CCS: variants seen among roughly 807,000 people sequenced by gnomAD.
CCS encodes the protein superoxide dismutase copper chaperone.
A neutral mutation model predicts 35.5 loss-of-function variants in CCS; 32 were observed. The observed-to-expected ratio is 0.90, with a 90% CI of 0.68 to 1.21. The LOEUF (loss-of-function observed/expected upper bound fraction) is 1.21, where lower values mean the gene tolerates loss of function less well. Ranked by LOEUF, CCS falls within the 50% of genes most tolerant of loss-of-function variation. The probability of loss-of-function intolerance (pLI) is 0.00; values close to 1 mark genes in which losing one functional copy is unlikely to be tolerated. For synonymous variants in CCS, 130 were observed against 147.2 expected (o/e 0.88, Z 0.84); for missense variants, 342 against 375.4 (o/e 0.91, Z 0.73).
At chr11:66,596,345 G>A (rs1412065012) in intron 2 of CCS, among the ~76,000 whole-genome samples, 4 of 151,420 alleles carry the variant, frequency 2.6e-5, no homozygotes, top group African/African-American at 7.3e-5. Flanking sequence ...GGGATTATGG[G>A]TGTGCGCCAC....
intron 7 of CCS, 41 bp downstream of exon 7, chr11:66,605,633 A>C (rs751736330): frequency 1.2e-6 from 2 of 1,600,610 alleles, no homozygotes; most frequent in South Asian, 2.2e-5. Flanking sequence ...TGCTCTGCGG[A>C]TGGTGCATGA....
Position 66,593,198 on chromosome 11 carries a change from C to A in CCS, c.-64C>A, listed in dbSNP as rs1858409989. 2.0e-6 allele frequency: 3 copies of A among 1,534,182 alleles called. No homozygotes were observed. Among genetic ancestry groups the A allele is most frequent in the South Asian group, 2.4e-5 (2 of 83,646 alleles). On this transcript the variant is annotated 5_prime_UTR_variant, in exon 1 of 8. Transcript: ENST00000533244. Reference sequence around the variant, plus strand: ...CTTTAGAGGCTCAGTCCCCGCGACGCCGCGCTGGTTGGTGCTCCTGCGCCG... The same window carrying A: ...CTTTAGAGGCTCAGTCCCCGCGACGACGCGCTGGTTGGTGCTCCTGCGCCG...
chr11:66,600,381 TTGAATGAATGAA>T (rs549083639), intron 4 of CCS, 96 bp from the exon 5 acceptor site: 3 of 693,584 alleles, frequency 4.3e-6, no homozygotes, highest in Middle Eastern at 2.6e-4. Flanking sequence ...GGCCTGTTTG[TTGAATGAATGAA>T]TGAATGAATG....
Position 66,593,352 on chromosome 11 carries a change from C to T in CCS, c.39+52C>T, listed in dbSNP as rs1555064144. On this transcript the variant is annotated intron_variant, in intron 1 of 7. Transcript: ENST00000533244. ...CTCGCCGGGCAGAGAGCCTCGGCCC[C>T]TGGGATGATCGTTACCTTGGGAAGA... The T allele has an allele frequency of 1.6e-5, 23 of 1,457,234 alleles. No homozygotes were observed. In the South Asian group the frequency reaches 3.0e-4, roughly 19 times the overall value. 90.3% of individuals were successfully genotyped at this position (1,457,234 alleles called of 1,614,324 possible). A position where few individuals can be genotyped will look rare whatever the true frequency, so the allele number is the denominator to read the frequency against.
chr11:66,605,663 C>G, intron 7 of CCS, 39 bp from the exon 8 acceptor site: 5 of 1,578,088 alleles, frequency 3.2e-6, no homozygotes, highest in Non-Finnish European at 4.3e-6. Flanking sequence ...GGGTGGGGGC[C>G]AAACAGGTAC....
intron 2 of CCS, among the ~76,000 whole-genome samples, chr11:66,597,437 G>A (rs1187373929): frequency 2.0e-5 from 3 of 150,496 alleles, no homozygotes; most frequent in East Asian, 1.9e-4. Flanking sequence ...CAGCCTGGGT[G>A]ACAGAGCGAG....
At chr11:66,594,291 G>T (rs568697324) in intron 2 of CCS, among the ~76,000 whole-genome samples, 2 of 152,094 alleles carry the variant, frequency 1.3e-5, no homozygotes, top group African/African-American at 4.8e-5. Context: ...CCCGGGAGGC[G>T]GAGCTTGCAG....
chr11:66,599,398 G>A, intron 3 of CCS, 61 bp from the exon 4 acceptor site: 1 of 1,501,176 alleles, frequency 6.7e-7, no homozygotes. Context: ...CCCTTCCCGA[G>A]CTGCTGAAGA....
intron 2 of CCS, among the ~76,000 whole-genome samples, chr11:66,596,292 C>T (rs910612526): frequency 1.3e-5 from 2 of 151,992 alleles, no homozygotes; most frequent in African/African-American, 2.4e-5. Context: ...GTATCGAACT[C>T]CTGGCCTCAT....
intron 5 of CCS, 147 bp from the exon 6 acceptor site, chr11:66,605,192 A>G: frequency 6.5e-7 from 1 of 1,541,368 alleles, no homozygotes; most frequent in East Asian, 2.4e-5. Context: ...GTCCTTGGGG[A>G]GCTCAGATCC....
chr11:66,605,214 T>G lies in CCS; in HGVS notation c.490-125T>G, dbSNP rs1436675714. The G allele has an allele frequency of 1.9e-6, 3 of 1,546,892 alleles. No individual in the cohort carries two copies. The Admixed American group carries it at 5.9e-5, about 30-fold the overall frequency. On this transcript the variant is annotated intron_variant, in intron 5 of 7. Transcript: ENST00000533244. The stretch of plus-strand genomic sequence containing the variant: ...GGGAGCTCAGATCCTACGAGACTGG[T>G]ACCCACAGGAGGAAATGGGTACTTT...
chr11:66,594,941 G>A lies in CCS; in HGVS notation c.112+1227G>A, dbSNP rs534694427. On this transcript the variant is annotated intron_variant, in intron 2 of 7. Transcript: ENST00000533244. Reference sequence around the variant, plus strand: ...CTGGATGGCATTCGCAGAATGCTTCGTGGAAAGAGCAATGGTGAGAGGGAA... The same window carrying A: ...CTGGATGGCATTCGCAGAATGCTTCATGGAAAGAGCAATGGTGAGAGGGAA... Among the ~76,000 whole-genome samples the A allele has an allele frequency of 2.8e-4, 42 of 152,158 alleles. 1 individual carries two copies. The highest frequency in any genetic ancestry group is 2.0e-4 in the Admixed American group (3 of 15,264).
In CCS at chr11:66,605,117, A is replaced by G. The variant is rs537199664; in HGVS notation, c.490-222A>G. The G allele has an allele frequency of 1.9e-4, 295 of 1,514,364 alleles. 1 individual carries two copies. The South Asian group carries it at 3.4e-3, about 17-fold the overall frequency. The allele number at this position is 1,514,364 out of a possible 1,614,324, so 93.8% of individuals were successfully genotyped here. A position where few individuals can be genotyped will look rare whatever the true frequency, so the allele number is the denominator to read the frequency against. ...TCAGTTCCAGGGAGGGAGTGTTCAG[A>G]TGGTCCGGGACTTCCTGGACCACTT... On this transcript the variant is annotated intron_variant, in intron 5 of 7. Coordinates refer to ENST00000533244, the MANE Select transcript of CCS (RefSeq NM_005125.2).
Position 66,605,958 on chromosome 11 carries a change from G to A in CCS, c.*103G>A, listed in dbSNP as rs1590832969. 2 of 1,237,426 alleles carry A rather than the reference G, an allele frequency of 1.6e-6. No homozygotes were observed. Among genetic ancestry groups the A allele is most frequent in the South Asian group, 3.6e-5 (2 of 55,214 alleles). 76.7% of individuals were successfully genotyped at this position (1,237,426 alleles called of 1,614,324 possible). A position where few individuals can be genotyped will look rare whatever the true frequency, so the allele number is the denominator to read the frequency against. ...GCCTGCCCAGTCTTTGGAGAGCTCA[G>A]TACAGGGCAGGAGCTGCTGTGGTGT... On this transcript the variant is annotated 3_prime_UTR_variant, in exon 8 of 8. Coordinates refer to ENST00000533244, the MANE Select transcript of CCS (RefSeq NM_005125.2).
Position 66,605,036 on chromosome 11 carries a change from A to T in CCS, c.490-303A>T, listed in dbSNP as rs988510906. ...TCTGATCCAATGGGAATGACTGCACAGGCAGGGGAAACTTCCACTGGCTCT... is the reference window on the plus strand; with the variant it reads ...TCTGATCCAATGGGAATGACTGCACTGGCAGGGGAAACTTCCACTGGCTCT... On this transcript the variant is annotated intron_variant, in intron 5 of 7. Coordinates refer to ENST00000533244, the MANE Select transcript of CCS (RefSeq NM_005125.2). The T allele has an allele frequency of 1.2e-5, 13 of 1,089,996 alleles. No homozygotes were observed. The South Asian group carries it at 2.0e-4, about 17-fold the overall frequency. 67.5% of individuals were successfully genotyped at this position (1,089,996 alleles called of 1,614,324 possible).
At chr11:66,593,799 A>G (rs1273160749) in intron 2 of CCS, 85 bp downstream of exon 2, 2 of 1,228,244 alleles carry the variant, frequency 1.6e-6, no homozygotes, top group South Asian at 1.3e-5. Flanking sequence ...CCCTACTCCC[A>G]TTTTACAGAT....
Position 66,603,613 on chromosome 11 carries a change from G to A in CCS, c.490-1726G>A, listed in dbSNP as rs569418188. Among the ~76,000 whole-genome samples the A allele has an allele frequency of 5.9e-5, 9 of 152,280 alleles. No homozygotes were observed. In the South Asian group the frequency reaches 1.2e-3, roughly 21 times the overall value. On this transcript the variant is annotated intron_variant, in intron 5 of 7. Coordinates refer to ENST00000533244, the MANE Select transcript of CCS (RefSeq NM_005125.2). ...TGTAATCCCAGCACTTTGGGAGGCC[G>A]AGGCGGGCAGATCACAAGGTCAGGA... is the stretch of plus-strand genomic sequence containing the variant.
chr11:66,593,233 T>C lies in CCS; in HGVS notation c.-29T>C. On this transcript the variant is annotated 5_prime_UTR_variant, in exon 1 of 8. Coordinates refer to ENST00000533244, the MANE Select transcript of CCS (RefSeq NM_005125.2). The stretch of plus-strand genomic sequence containing the variant: ...TGGTGCTCCTGCGCCGGAGGAGTTC[T>C]GCGTCTCGGGGTGGTGACTGGGTCC... 1 of 1,556,950 alleles carries C rather than the reference T, an allele frequency of 6.4e-7. No individual in the cohort carries two copies. The highest frequency in any genetic ancestry group is 8.7e-7 in the Non-Finnish European group (1 of 1,150,588).
chr11:66,605,439 C>T (rs1858639511), intron 6 of CCS, 23 bp downstream of exon 6: 1 of 1,613,846 alleles, frequency 6.2e-7, no homozygotes, highest in Non-Finnish European at 8.5e-7. Flanking sequence ...AGAAGGTGGG[C>T]ACCCTTCCTA....
Sources: allele counts gnomAD v4.1 joint callset (sites outside exome capture counted in the v4.1 genomes callset), GRCh38; gene constraint gnomAD v4.1.1; transcripts MANE v1.5; gene names NCBI Gene and HGNC (gene_info 2026-07-23, HGNC 2026-07-21).